The following SLC26A7 variants were observed in gnomAD, a reference collection of about 807,000 sequenced individuals.
The protein encoded by SLC26A7 is anion exchange transporter.
Under a neutral mutation model 82.5 loss-of-function variants are expected in SLC26A7, and 59 were observed. The ratio of observed to expected loss-of-function variants is 0.72; its 90% CI spans 0.58 to 0.89. The LOEUF (loss-of-function observed/expected upper bound fraction) is 0.89, where lower values mean the gene tolerates loss of function less well. Among genes scored for constraint, SLC26A7 ranks in the 40% least tolerant of loss-of-function variants. The pLI is 0.00. For synonymous variants in SLC26A7, 271 were observed against 274.3 expected (o/e 0.99, Z 0.12); for missense variants, 820 against 793.0 (o/e 1.03, Z -0.41).
At chr8:91,262,075 G>C (rs1362140301) in intron 2 of SLC26A7, among the ~76,000 whole-genome samples, 1 of 152,064 alleles carries the variant, frequency 6.6e-6, no homozygotes, top group African/African-American at 2.4e-5. Flanking sequence ...TCTTGGAGGA[G>C]GTGGTAGACA....
intron 14 of SLC26A7, among the ~76,000 whole-genome samples, chr8:91,367,601 G>GCA (rs1814233543): frequency 2.0e-5 from 3 of 152,150 alleles, no homozygotes; most frequent in Admixed American, 6.5e-5. Flanking sequence ...CCACTTACTA[G>GCA]CTGTGGAACT....
intron 5 of SLC26A7, among the ~76,000 whole-genome samples, chr8:91,326,363 G>A (rs1289324506): frequency 1.3e-5 from 2 of 152,024 alleles, no homozygotes. Flanking sequence ...TCCATGTGCT[G>A]ACAGGACTGG....
At position 91,295,810 on chromosome 8, in the gene SLC26A7, A is replaced by G; in HGVS notation, c.477+107A>G. The G allele has an allele frequency of 3.7e-6, 4 of 1,088,188 alleles. No individual in the cohort carries two copies. In the South Asian group the frequency reaches 5.2e-5, roughly 14 times the overall value. The allele number at this position is 1,088,188 out of a possible 1,614,324, so 67.4% of individuals were successfully genotyped here. On this transcript the variant is annotated intron_variant, in intron 4 of 18. Coordinates refer to ENST00000276609, the MANE Select transcript of SLC26A7 (RefSeq NM_052832.4). The stretch of plus-strand genomic sequence containing the variant: ...TTCATGAATTTGTCTTTATAGGTGG[A>G]TAAAGGCCTGATGTGTTTTATCATT...
chr8:91,292,262 C>T (rs1373926085), intron 3 of SLC26A7, among the ~76,000 whole-genome samples: 1 of 150,358 alleles, frequency 6.7e-6, no homozygotes, highest in Non-Finnish European at 1.5e-5. Context: ...GCCGAGATGG[C>T]GCCACTGCAC....
intron 1 of SLC26A7, among the ~76,000 whole-genome samples, chr8:91,216,468 TA>T (rs1243108845): frequency 6.6e-6 from 1 of 152,186 alleles, no homozygotes; most frequent in Non-Finnish European, 1.5e-5. Context: ...TTTCTTTCTC[TA>T]ACTTCCTCCT....
intron 4 of SLC26A7, among the ~76,000 whole-genome samples, chr8:91,297,088 T>C (rs919585633): frequency 8.5e-5 from 13 of 152,218 alleles, no homozygotes; most frequent in Admixed American, 7.9e-4. Context: ...GTCTGTTTTC[T>C]GTCCCATTAT....
At chr8:91,259,572 C>T (rs1810903747) in intron 2 of SLC26A7, among the ~76,000 whole-genome samples, 1 of 152,240 alleles carries the variant, frequency 6.6e-6, no homozygotes, top group South Asian at 2.1e-4. Context: ...ATCTGAATCT[C>T]ACCTTTCCAG....
chr8:91,374,018 T>C (rs1356893174), intron 15 of SLC26A7, among the ~76,000 whole-genome samples: 1 of 152,036 alleles, frequency 6.6e-6, no homozygotes, highest in East Asian at 1.9e-4. Context: ...TGCATGGAGA[T>C]GGTCACAGTA....
At chr8:91,226,176 T>C (rs929102626) in intron 2 of SLC26A7, among the ~76,000 whole-genome samples, 4 of 152,234 alleles carry the variant, frequency 2.6e-5, no homozygotes, top group Admixed American at 6.5e-5. Context: ...AGTATCTAAA[T>C]CTGTTTCTCC....
At chr8:91,349,236 C>T (rs915748516) in intron 9 of SLC26A7, among the ~76,000 whole-genome samples, 1 of 146,366 alleles carries the variant, frequency 6.8e-6, no homozygotes, top group South Asian at 2.2e-4. Flanking sequence ...AGGGAGCTAA[C>T]ATAACCCATT....
chr8:91,327,120 G>C (rs1324750910), intron 5 of SLC26A7, among the ~76,000 whole-genome samples: 3 of 151,958 alleles, frequency 2.0e-5, no homozygotes, highest in African/African-American at 7.2e-5. Context: ...TTTTTTTGGT[G>C]GGGAGGGGAG....
At chr8:91,296,692 A>G (rs1465774116) in intron 4 of SLC26A7, among the ~76,000 whole-genome samples, 1 of 152,214 alleles carries the variant, frequency 6.6e-6, no homozygotes, top group Non-Finnish European at 1.5e-5. Context: ...TCCTTGAAAG[A>G]AATAGACCAT....
intron 15 of SLC26A7, among the ~76,000 whole-genome samples, chr8:91,385,921 A>G (rs535998256): frequency 6.6e-6 from 1 of 152,348 alleles, no homozygotes; most frequent in South Asian, 2.1e-4. Context: ...AAATGCAGTT[A>G]TCAATCTCTC....
intron 15 of SLC26A7, among the ~76,000 whole-genome samples, chr8:91,377,591 T>G (rs902668716): frequency 6.6e-6 from 1 of 152,136 alleles, no homozygotes; most frequent in Non-Finnish European, 1.5e-5. Flanking sequence ...CTGAGGATAG[T>G]GAGGGCACAC....
Position 91,363,459 on chromosome 8 carries a change from G to T in SLC26A7, c.1422-13G>T, listed in dbSNP as rs1814104958. The stretch of plus-strand genomic sequence containing the variant: ...AAATGACTTGTTTTATTTTCTATCT[G>T]CTTTAATTTCAGAGCAATGACTGTA... On this transcript the variant is annotated splice_polypyrimidine_tract_variant and intron_variant, in intron 12 of 18. Transcript: ENST00000276609. 2 of 1,450,964 alleles carry T rather than the reference G, an allele frequency of 1.4e-6. No individual in the cohort carries two copies. Among genetic ancestry groups the T allele is most frequent in the Non-Finnish European group, 1.9e-6 (2 of 1,056,584 alleles). The allele number at this position is 1,450,964 out of a possible 1,614,324, so 89.9% of individuals were successfully genotyped here.
Position 91,389,442 on chromosome 8 carries a change from T to C in SLC26A7, c.1776+4T>C. 2 of 1,597,502 alleles carry C rather than the reference T, an allele frequency of 1.3e-6. No homozygotes were observed. Among genetic ancestry groups the C allele is most frequent in the Non-Finnish European group, 1.7e-6 (2 of 1,164,918 alleles). On this transcript the variant is annotated splice_donor_region_variant and intron_variant, in intron 16 of 18. Transcript: ENST00000276609. ...TGGAGTCTCCATGCTTGTTGAGGTA[T>C]TTATGGAACTTGTGTTTAGAACTGT...
intron 15 of SLC26A7, among the ~76,000 whole-genome samples, chr8:91,371,567 T>A (rs1814362974): frequency 6.6e-6 from 1 of 151,980 alleles, no homozygotes; most frequent in African/African-American, 2.4e-5. Flanking sequence ...GCAAAAGACA[T>A]AATTTCATTC....
At chr8:91,310,103 T>A (rs1279436348) in intron 4 of SLC26A7, among the ~76,000 whole-genome samples, 1 of 152,048 alleles carries the variant, frequency 6.6e-6, no homozygotes, top group African/African-American at 2.4e-5. Flanking sequence ...CTGGGACCAA[T>A]TATTATTTTA....
Position 91,395,164 on chromosome 8 carries a change from T to G in SLC26A7, c.*67T>G. The G allele has an allele frequency of 1.2e-6, 2 of 1,606,270 alleles. No individual in the cohort carries two copies. The highest frequency in any genetic ancestry group is 1.7e-4 in the Middle Eastern group (1 of 6,016). On this transcript the variant is annotated 3_prime_UTR_variant, in exon 19 of 19. Coordinates refer to ENST00000276609, the MANE Select transcript of SLC26A7 (RefSeq NM_052832.4). ...CTGAAGAGGCCATATGCTGGCATTT[T>G]GCACAACTTTTTGGTTGTTTAGATC...
Sources: allele counts gnomAD v4.1 joint callset (sites outside exome capture counted in the v4.1 genomes callset), GRCh38; gene constraint gnomAD v4.1.1; transcripts MANE v1.5; gene names NCBI Gene and HGNC (gene_info 2026-07-23, HGNC 2026-07-21).